Variants in ANK3 observed in about 807,000 individuals in gnomAD.
The protein encoded by ANK3 is ankyrin-3.
In ANK3, 57 loss-of-function variants were observed where a neutral mutation model predicts 370.9. That is an observed-to-expected ratio of 0.15 (90% CI 0.12 to 0.19). The LOEUF (loss-of-function observed/expected upper bound fraction) is 0.19. ANK3 is among the 10% of genes least tolerant of loss of function. The probability of loss-of-function intolerance (pLI) is 1.00; values close to 1 mark genes in which losing one functional copy is unlikely to be tolerated. For missense variants in ANK3, 4,439 were observed against 5,302.1 expected (o/e 0.84, Z 5.06); for synonymous variants, 1,929 against 1,946.3 (o/e 0.99, Z 0.23).
chr10:60,242,099 A>C (rs1020385705), intron 7 of ANK3, among the ~76,000 whole-genome samples: 2 of 152,094 alleles, frequency 1.3e-5, no homozygotes, highest in Non-Finnish European at 2.9e-5. Context: ...ACTTTCTTCC[A>C]TGAGGATCTC....
intron 1 of ANK3, among the ~76,000 whole-genome samples, chr10:60,383,957 A>C (rs1456159796): frequency 2.6e-5 from 4 of 152,194 alleles, no homozygotes; most frequent in African/African-American, 9.6e-5. Flanking sequence ...GGCTGACCTT[A>C]AAAGAGACTG....
intron 1 of ANK3, among the ~76,000 whole-genome samples, chr10:60,688,514 A>G (rs777924752): frequency 6.6e-6 from 1 of 152,254 alleles, no homozygotes; most frequent in Admixed American, 6.5e-5. Context: ...ACCACAAGGA[A>G]AAGCTTTAAA....
chr10:60,237,088 A>G (rs2097345262), intron 7 of ANK3, among the ~76,000 whole-genome samples: 1 of 152,252 alleles, frequency 6.6e-6, no homozygotes, highest in South Asian at 2.1e-4. Flanking sequence ...CAGGTTACAA[A>G]AGAGGAAGTG....
chr10:60,369,272 C>T (rs1054954592), intron 1 of ANK3, among the ~76,000 whole-genome samples: 15 of 152,164 alleles, frequency 9.9e-5, no homozygotes, highest in African/African-American at 3.6e-4. Context: ...AGATTCAGTG[C>T]CACACTTTAC....
intron 23 of ANK3, chr10:60,144,133 G>C (rs1218173521): frequency 2.5e-6 from 1 of 397,162 alleles, no homozygotes; most frequent in South Asian, 1.8e-5. Context: ...CCAAGACTCA[G>C]CTGAGCCCCG....
At chr10:60,195,893 C>T (rs961608637) in intron 16 of ANK3, among the ~76,000 whole-genome samples, 1 of 152,204 alleles carries the variant, frequency 6.6e-6, no homozygotes, top group African/African-American at 2.4e-5. Flanking sequence ...AAAGAGTGTT[C>T]CAGCTCTCCT....
chr10:60,038,717 T>C (rs1271054885), intron 43 of ANK3, among the ~76,000 whole-genome samples: 2 of 152,116 alleles, frequency 1.3e-5, no homozygotes, highest in Non-Finnish European at 2.9e-5. Context: ...TAATGTTATC[T>C]TGTGCCTATC....
chr10:60,552,959 G>A (rs899891969), intron 2 of ANK3, among the ~76,000 whole-genome samples: 7 of 152,256 alleles, frequency 4.6e-5, no homozygotes, highest in Admixed American at 2.0e-4. Context: ...TGTAAGATGT[G>A]ACTTGCTCCT....
intron 1 of ANK3, among the ~76,000 whole-genome samples, chr10:60,344,851 A>AT (rs1274901654): frequency 6.6e-6 from 1 of 152,228 alleles, no homozygotes; most frequent in African/African-American, 2.4e-5. Flanking sequence ...CAAATGAAAT[A>AT]TTTGGTTAAC....
At chr10:60,302,929 G>A (rs146563440) in intron 1 of ANK3, among the ~76,000 whole-genome samples, 2 of 152,202 alleles carry the variant, frequency 1.3e-5, no homozygotes, top group East Asian at 3.9e-4. Context: ...ATCGAACTTC[G>A]GCAAGGGTGC....
chr10:60,140,622 A>T (rs1484262426), intron 23 of ANK3: 1 of 1,398,176 alleles, frequency 7.2e-7, no homozygotes, highest in African/African-American at 1.5e-5. Flanking sequence ...AAAAAACCCC[A>T]CTTAATTGAG....
intron 17 of ANK3, among the ~76,000 whole-genome samples, chr10:60,183,854 G>A (rs2096261872): frequency 7.4e-6 from 1 of 134,330 alleles, no homozygotes; most frequent in African/African-American, 2.6e-5. Flanking sequence ...ATGAAATTCT[G>A]TCTCAAAAAA....
rs745513678 is a variant in ANK3 at position 60,071,812 on chromosome 10, G to A, written c.9069C>T (p.Ser3023=). The change falls in exon 37 of 44, where the codon AGC becomes AGT. Residue 3023 remains serine, a synonymous_variant. Coordinates refer to ENST00000280772, the MANE Select transcript of ANK3 (RefSeq NM_020987.5). ...CATAACTCTGGTGTTTGGAAACTTT[G>A]CTGATTTCTGAATAGGTAACTTTTT... ...EDEKVTYSEI[S]KVSKHQSYVG... The A allele has an allele frequency of 1.2e-6, 2 of 1,610,658 alleles. No homozygotes were observed. Among genetic ancestry groups the A allele is most frequent in the Non-Finnish European group, 1.7e-6 (2 of 1,178,178 alleles).
intron 1 of ANK3, among the ~76,000 whole-genome samples, chr10:60,329,389 A>C (rs528082199): frequency 2.5e-4 from 38 of 152,244 alleles, no homozygotes; most frequent in African/African-American, 9.1e-4. Flanking sequence ...AAACCCCATC[A>C]TGTCAGCCCC....
At chr10:60,173,975 C>T (rs1670619495) in intron 18 of ANK3, among the ~76,000 whole-genome samples, 1 of 152,092 alleles carries the variant, frequency 6.6e-6, no homozygotes, top group South Asian at 2.1e-4. Flanking sequence ...TAACATACTA[C>T]CCCGCAATTT....
At chr10:60,441,815 G>A (rs984957258) in intron 2 of ANK3, among the ~76,000 whole-genome samples, 6 of 151,922 alleles carry the variant, frequency 3.9e-5, no homozygotes, top group Admixed American at 6.6e-5. Flanking sequence ...ATCATAATTT[G>A]CTTATTTTAA....
chr10:60,065,006 G>T (rs1038926259), intron 38 of ANK3, among the ~76,000 whole-genome samples: 27 of 152,164 alleles, frequency 1.8e-4, no homozygotes, highest in Non-Finnish European at 3.7e-4. Flanking sequence ...TGCTGATAGG[G>T]TTTGTGCTAA....
chr10:60,438,682 A>G (rs1011415410), intron 2 of ANK3, among the ~76,000 whole-genome samples: 1 of 152,246 alleles, frequency 6.6e-6, no homozygotes, highest in East Asian at 1.9e-4. Context: ...CAAAACCTCA[A>G]TGGAGCCTTG....
At chr10:60,310,887 C>T (rs1209916651) in intron 1 of ANK3, among the ~76,000 whole-genome samples, 3 of 152,150 alleles carry the variant, frequency 2.0e-5, no homozygotes, top group Non-Finnish European at 4.4e-5. Flanking sequence ...GAGCAAGTCA[C>T]ATCACGGTCC....
Sources: allele counts gnomAD v4.1 joint callset (sites outside exome capture counted in the v4.1 genomes callset), GRCh38; gene constraint gnomAD v4.1.1; transcripts MANE v1.5; gene names NCBI Gene and HGNC (gene_info 2026-07-23, HGNC 2026-07-21).